The following SCNN1G variants were observed in gnomAD, a reference collection of about 807,000 sequenced individuals.
The protein encoded by SCNN1G is sodium channel epithelial 1 subunit gamma.
Under a neutral mutation model 64.6 loss-of-function variants are expected in SCNN1G, and 27 were observed. That is an observed-to-expected ratio of 0.42 (90% CI 0.31 to 0.58). The LOEUF (loss-of-function observed/expected upper bound fraction) is 0.58. Ranked by LOEUF, SCNN1G falls within the 20% of genes least tolerant of loss-of-function variation. SCNN1G has a pLI of 0.18. For synonymous variants in SCNN1G, 330 were observed against 314.2 expected (o/e 1.05, Z -0.53); for missense variants, 743 against 823.4 (o/e 0.90, Z 1.19).
intron 6 of SCNN1G, among the ~76,000 whole-genome samples, chr16:23,201,866 G>A (rs976715072): frequency 2.6e-5 from 4 of 152,210 alleles, no homozygotes; most frequent in African/African-American, 9.7e-5. Flanking sequence ...CTGGAGTGCA[G>A]TGGTGTGATG....
At chr16:23,214,645 G>C in intron 11 of SCNN1G, 67 bp from the exon 12 acceptor site, 1 of 1,256,508 alleles carries the variant, frequency 8.0e-7, no homozygotes, top group South Asian at 1.2e-5. Context: ...GAGGGAGACA[G>C]CCATGCTGAG....
chr16:23,210,636 T>A (rs1326711010), intron 7 of SCNN1G, among the ~76,000 whole-genome samples: 2 of 152,126 alleles, frequency 1.3e-5, no homozygotes, highest in Admixed American at 1.3e-4. Context: ...AGAGAGTCCA[T>A]GAGAATCATC....
In SCNN1G at chr16:23,186,827, T is replaced by C. The variant is rs183503871; in HGVS notation, c.317+239T>C. Among the ~76,000 whole-genome samples, 162 of 152,324 alleles carry C rather than the reference T, an allele frequency of 1.1e-3. 1 individual carries two copies. The highest frequency in any genetic ancestry group is 3.5e-3 in the African/African-American group (146 of 41,570). On this transcript the variant is annotated intron_variant, in intron 2 of 12. Transcript: ENST00000300061. The stretch of plus-strand genomic sequence containing the variant: ...TTTTTTTTCTTTTCTTTTTCCTTTT[T>C]TGAGATGGAGTTTCGCTCTTGTTGC...
At chr16:23,193,454 T>G (rs1256105699) in intron 4 of SCNN1G, among the ~76,000 whole-genome samples, 1 of 152,108 alleles carries the variant, frequency 6.6e-6, no homozygotes, top group African/African-American at 2.4e-5. Context: ...GAGACCAGCC[T>G]GGGCAATGTG....
intron 10 of SCNN1G, 59 bp from the exon 11 acceptor site, chr16:23,213,043 G>A: frequency 1.9e-6 from 3 of 1,543,700 alleles, no homozygotes; most frequent in Admixed American, 1.7e-5. Context: ...GCCTGAGGCG[G>A]GAGGCTGGCC....
Position 23,213,100 on chromosome 16 carries a change from AGAAGTGGTT to A in SCNN1G, c.1432_1440del (p.Lys478_Leu480del). The A allele has an allele frequency of 6.2e-7, 1 of 1,613,834 alleles. No individual in the cohort carries two copies. Among genetic ancestry groups the A allele is most frequent in the Non-Finnish European group, 8.5e-7 (1 of 1,179,780 alleles). The stretch of plus-strand genomic sequence containing the variant: ...GGCCCACGCTTTCTCTCTCCGTTGT[AGAAGTGGTT>A]GCTGCCTGTTCTCACTTGGGACCAA... On this transcript the variant is annotated splice_acceptor_variant and coding_sequence_variant, in exon 11 of 13. Transcript: ENST00000300061. LOFTEE classifies it high-confidence loss of function.
intron 1 of SCNN1G, among the ~76,000 whole-genome samples, chr16:23,184,217 G>A (rs1458551252): frequency 1.3e-5 from 2 of 152,188 alleles, no homozygotes; most frequent in Admixed American, 6.5e-5. Context: ...TGACATTGTC[G>A]ACTGATCCAT....
chr16:23,187,804 T>C (rs1239127754), intron 2 of SCNN1G, among the ~76,000 whole-genome samples: 2 of 152,168 alleles, frequency 1.3e-5, no homozygotes, highest in Non-Finnish European at 2.9e-5. Context: ...CTCAGGATTA[T>C]GGAAAACTGG....
chr16:23,197,438 A>G lies in SCNN1G; in HGVS notation c.1077+11A>G. The G allele has an allele frequency of 6.2e-7, 1 of 1,611,538 alleles. No individual in the cohort carries two copies. Among genetic ancestry groups the G allele is most frequent in the African/African-American group, 1.3e-5 (1 of 74,984 alleles). ...ATAGGAATGCACCTGGTAAGAGAAT[A>G]TTCTCATTTCCATAGGCTTGGAGAG... is the stretch of plus-strand genomic sequence containing the variant. On this transcript the variant is annotated intron_variant, in intron 6 of 12. Transcript: ENST00000300061.
At chr16:23,213,444 G>T (rs186753017) in intron 11 of SCNN1G, among the ~76,000 whole-genome samples, 144 of 152,072 alleles carry the variant, frequency 9.5e-4, no homozygotes, top group Middle Eastern at 6.8e-3. Flanking sequence ...CAGAGATGGG[G>T]TTTCACCATA....
intron 6 of SCNN1G, among the ~76,000 whole-genome samples, chr16:23,199,962 C>A (rs929244101): frequency 6.6e-6 from 1 of 152,140 alleles, no homozygotes; most frequent in African/African-American, 2.4e-5. Context: ...TGAGCCACAG[C>A]GCCTGGCCCA....
intron 4 of SCNN1G, among the ~76,000 whole-genome samples, chr16:23,192,938 G>A (rs1399259138): frequency 1.3e-5 from 2 of 151,782 alleles, no homozygotes; most frequent in African/African-American, 4.8e-5. Flanking sequence ...GCATGGTGGT[G>A]CATGCCTGTA....
At chr16:23,192,595 C>T in intron 4 of SCNN1G, 53 bp downstream of exon 4, 1 of 1,459,440 alleles carries the variant, frequency 6.9e-7, no homozygotes, top group Non-Finnish European at 9.5e-7. Flanking sequence ...GCTCTGAGTA[C>T]CAGGCCCCTT....
chr16:23,203,281 C>T (rs1398219115), intron 6 of SCNN1G, among the ~76,000 whole-genome samples: 2 of 152,000 alleles, frequency 1.3e-5, no homozygotes, highest in Non-Finnish European at 1.5e-5. Context: ...GAACAGAAAC[C>T]GAAGTGCAGT....
chr16:23,215,250 GGCTCCCCCATGTCCAGAA>G lies in SCNN1G; in HGVS notation c.1739_1756del (p.Pro580_Pro585del). 6.2e-7 allele frequency: 1 copy of G among 1,614,186 alleles called. No homozygotes were observed. Reference sequence around the variant, plus strand: ...CCAAGGAGTGGTGGGCCTGGAAACAGGCTCCCCCATGTCCAGAAGCTCCCCGTAGCCCACAGGGCCAGG... The same window carrying G: ...CCAAGGAGTGGTGGGCCTGGAAACAGGCTCCCCGTAGCCCACAGGGCCAGG... On this transcript the variant is annotated inframe_deletion, in exon 13 of 13. Transcript: ENST00000300061.
chr16:23,198,289 A>G (rs527662122), intron 6 of SCNN1G, among the ~76,000 whole-genome samples: 11 of 152,286 alleles, frequency 7.2e-5, no homozygotes, highest in African/African-American at 2.2e-4. Context: ...GCCTTGCCCA[A>G]TGGGAGCTGA....
At position 23,204,288 on chromosome 16, in the gene SCNN1G, CATATATATATATATATATATATATAT is replaced by C. The variant is rs59288460; in HGVS notation, c.1078-5440_1078-5415del. Among the ~76,000 whole-genome samples the C allele has an allele frequency of 9.5e-3, 135 of 14,174 alleles. 6 individuals are homozygous for C. In the East Asian group the frequency reaches 0.18, roughly 19 times the overall value. The allele number at this position is 14,174 out of a possible 152,430, so 9.3% of individuals were successfully genotyped here. A position where few individuals can be genotyped will look rare whatever the true frequency, so the allele number is the denominator to read the frequency against. On this transcript the variant is annotated intron_variant, in intron 6 of 12. Coordinates refer to ENST00000300061, the MANE Select transcript of SCNN1G (RefSeq NM_001039.4). ...AGTGATACTCCATCACAAATATATACATATATATATATATATATATATATATATATATATATATATATATATAGAGA... is the reference window on the plus strand; with the variant it reads ...AGTGATACTCCATCACAAATATATACATATATATATATATATATATAGAGA...
chr16:23,195,319 C>G (rs1222675859), intron 5 of SCNN1G, among the ~76,000 whole-genome samples: 2 of 152,150 alleles, frequency 1.3e-5, no homozygotes, highest in Non-Finnish European at 2.9e-5. Flanking sequence ...CTGCTACTAC[C>G]CTCAAAATAA....
rs1319165096 is a variant in SCNN1G at position 23,215,455 on chromosome 16, C to G, written c.1936C>G (p.Leu646Val). The change falls in exon 13 of 13, where the codon CTG becomes GTG. Residue 646 changes from leucine to valine, a missense_variant. Physicochemically the swap from Leu to Val is conservative, Grantham distance 32 (BLOSUM62 1). Transcript: ENST00000300061. ...FSNQLTDTQM[L>V]DEL ...CAACCAGCTCACAGATACCCAGATG[C>G]TGGATGAGCTCTGAGGCAGGGTTGA... 3.7e-6 allele frequency: 6 copies of G among 1,610,622 alleles called. No individual in the cohort carries two copies. The African/African-American group carries it at 8.0e-5, about 21-fold the overall frequency.
Sources: allele counts gnomAD v4.1 joint callset (sites outside exome capture counted in the v4.1 genomes callset), GRCh38; gene constraint gnomAD v4.1.1; transcripts MANE v1.5; gene names NCBI Gene and HGNC (gene_info 2026-07-23, HGNC 2026-07-21).